Variants in ADGRL2 observed in about 807,000 individuals in gnomAD.
ADGRL2 encodes the protein calcium-independent alpha-latrotoxin receptor 2.
In ADGRL2, 44 loss-of-function variants were observed where a neutral mutation model predicts 157.4. The observed-to-expected ratio is 0.28, with a 90% confidence interval of 0.22 to 0.36. The LOEUF is 0.36. ADGRL2 is among the 10% of genes least tolerant of loss of function. ADGRL2 has a pLI of 1.00. For missense variants in ADGRL2, 1,510 were observed against 1,768.9 expected, an observed-to-expected ratio of 0.85 and a Z score of 2.63; for synonymous variants, 585 against 624.7, an observed-to-expected ratio of 0.94 and a Z score of 0.95.
At chr1:81,988,536 A>C (rs1457636993) in intron 23 of ADGRL2, 2 of 152,132 alleles carry the variant, frequency 1.3e-5, no homozygotes, top group Non-Finnish European at 2.9e-5. Flanking sequence ...AATTGTGTCT[A>C]CCAAGTTAAA....
intron 1 of ADGRL2, among the ~76,000 whole-genome samples, chr1:81,418,534 G>T (rs916288490): frequency 1.8e-4 from 28 of 152,218 alleles, no homozygotes; most frequent in African/African-American, 6.7e-4. Context: ...GGCAGATCAC[G>T]AGGTCAGGAA....
chr1:81,385,591 G>C (rs567231640), intron 1 of ADGRL2, among the ~76,000 whole-genome samples: 45 of 131,474 alleles, frequency 3.4e-4, no homozygotes, highest in African/African-American at 1.2e-3. Context: ...GTTTTGGGGA[G>C]AGTGGCAAAA....
Position 81,747,217 on chromosome 1 carries a change from GTATATATGTATATATACA to G in ADGRL2, c.-142-14580_-142-14563del, listed in dbSNP as rs552104487. On this transcript the variant is annotated intron_variant, in intron 1 of 20. Coordinates refer to the ADGRL2 transcript ENST00000359929. ...TATGCATGTATATATATGTATGTGTGTATATATGTATATATACATATATATGTATATGTGTGTATATAT... is the reference window on the plus strand; with the variant it reads ...TATGCATGTATATATATGTATGTGTGTATATATGTATATGTGTGTATATAT... 4.2e-3 allele frequency among the ~76,000 whole-genome samples: 618 copies of G among 146,362 alleles called. 10 individuals carry two copies. Among genetic ancestry groups the G allele is most frequent in the African/African-American group, 0.014 (556 of 40,014 alleles).
At chr1:81,452,904 G>C (rs148184580) in intron 2 of ADGRL2, among the ~76,000 whole-genome samples, 1 of 152,262 alleles carries the variant, frequency 6.6e-6, no homozygotes, top group East Asian at 1.9e-4. Flanking sequence ...GGACAATCAT[G>C]AGGTGTCAGG....
intron 2 of ADGRL2, among the ~76,000 whole-genome samples, chr1:81,857,687 G>A (rs748909496): frequency 2.6e-5 from 4 of 152,068 alleles, no homozygotes; most frequent in Non-Finnish European, 5.9e-5. Flanking sequence ...CTATAGAGAT[G>A]CAATTGAAAG....
rs546113459 is a variant in ADGRL2 at position 81,545,303 on chromosome 1, T to C, written c.-247-35573T>C. 8.2e-3 allele frequency among the ~76,000 whole-genome samples: 1,241 copies of C among 151,986 alleles called. 14 individuals are homozygous for C. Among genetic ancestry groups the C allele is most frequent in the Middle Eastern group, 0.024 (7 of 294 alleles). On this transcript the variant is annotated intron_variant, in intron 2 of 24. Transcript: ENST00000370721. ...ACTGACTGAACTTTTTTTTTTTTTT[T>C]TGAGACTGATTCTCACTCTTTCGCC... is the stretch of plus-strand genomic sequence containing the variant.
At chr1:81,902,384 G>A (rs2094503165) in intron 2 of ADGRL2, among the ~76,000 whole-genome samples, 1 of 152,136 alleles carries the variant, frequency 6.6e-6, no homozygotes, top group African/African-American at 2.4e-5. Context: ...GATCACCTGA[G>A]GTCAGGAGTT....
rs542760527 is a variant in ADGRL2, at chr1:81,497,343, A to C, written c.-248+52254A>C. The stretch of plus-strand genomic sequence containing the variant: ...GTATATTTAAGAAACTTTTCAATTT[A>C]GTGGACTTCTTAATATGAAGACTAA... On this transcript the variant is annotated intron_variant, in intron 2 of 24. Coordinates refer to the ADGRL2 transcript ENST00000370721. Among the ~76,000 whole-genome samples, 12 of 152,226 alleles carry C rather than the reference A, an allele frequency of 7.9e-5. No individual in the cohort carries two copies. The South Asian group carries it at 2.5e-3, about 32-fold the overall frequency.
intron 3 of ADGRL2, among the ~76,000 whole-genome samples, chr1:81,587,585 A>G (rs1456413120): frequency 6.6e-6 from 1 of 152,136 alleles, no homozygotes; most frequent in African/African-American, 2.4e-5. Context: ...TCAGCTCCAA[A>G]TTGCAGCCCA....
intron 2 of ADGRL2, among the ~76,000 whole-genome samples, chr1:81,465,458 C>T (rs1184508242): frequency 2.6e-5 from 4 of 151,826 alleles, no homozygotes; most frequent in Non-Finnish European, 4.4e-5. Context: ...TATTTAATTT[C>T]GTTCCATGTT....
chr1:81,900,242 A>C (rs2094461869), intron 2 of ADGRL2, among the ~76,000 whole-genome samples: 1 of 152,212 alleles, frequency 6.6e-6, no homozygotes, highest in African/African-American at 2.4e-5. Context: ...AATTGTCAAC[A>C]ACAACCATTT....
intron 1 of ADGRL2, among the ~76,000 whole-genome samples, chr1:81,409,946 TAAG>T (rs1231160276): frequency 6.6e-6 from 1 of 152,112 alleles, no homozygotes; most frequent in Non-Finnish European, 1.5e-5. Context: ...ATTTGAGCAG[TAAG>T]AAGAACCTGC....
chr1:81,524,482 CAT>C (rs2079404481), intron 2 of ADGRL2, among the ~76,000 whole-genome samples: 1 of 152,116 alleles, frequency 6.6e-6, no homozygotes. Context: ...TGAAAAACTA[CAT>C]ATATATAGGA....
intron 2 of ADGRL2, among the ~76,000 whole-genome samples, chr1:81,509,742 C>T (rs2079042356): frequency 6.6e-6 from 1 of 152,204 alleles, no homozygotes; most frequent in Non-Finnish European, 1.5e-5. Flanking sequence ...TGAAGCTGAA[C>T]TGACACCCTG....
At chr1:81,338,765 C>A (rs1034115080) in intron 1 of ADGRL2, among the ~76,000 whole-genome samples, 5 of 152,144 alleles carry the variant, frequency 3.3e-5, no homozygotes, top group African/African-American at 7.2e-5. Context: ...GAGGTAATGC[C>A]ACTGGAGTAA....
At chr1:81,457,828 C>A (rs964329900) in intron 2 of ADGRL2, among the ~76,000 whole-genome samples, 1 of 152,142 alleles carries the variant, frequency 6.6e-6, no homozygotes, top group African/African-American at 2.4e-5. Flanking sequence ...ATAATAGGAG[C>A]CATAGCAGGA....
At chr1:81,752,973 C>A (rs2085538549) in intron 1 of ADGRL2, among the ~76,000 whole-genome samples, 1 of 152,112 alleles carries the variant, frequency 6.6e-6, no homozygotes, top group African/African-American at 2.4e-5. Context: ...AAGAGCACAG[C>A]AAATAATAGA....
At chr1:81,764,293 T>G (rs2086030653) in intron 2 of ADGRL2, among the ~76,000 whole-genome samples, 1 of 151,896 alleles carries the variant, frequency 6.6e-6, no homozygotes, top group Non-Finnish European at 1.5e-5. Flanking sequence ...TTATTATTAA[T>G]AATAAATGGC....
intron 1 of ADGRL2, among the ~76,000 whole-genome samples, chr1:81,747,108 T>C (rs2085304319): frequency 6.9e-6 from 1 of 145,470 alleles, no homozygotes; most frequent in Non-Finnish European, 1.5e-5. Context: ...TATACATATA[T>C]GTGTATATAT....
Sources: gnomAD v4.1 joint callset for allele counts (sites outside exome capture counted in the v4.1 genomes callset) on GRCh38, gnomAD v4.1.1 for gene constraint, MANE v1.5 for transcripts, NCBI Gene and HGNC (gene_info 2026-07-23, HGNC 2026-07-21) for gene names.